The following CUX1 variants were observed in gnomAD, a reference collection of about 807,000 sequenced individuals.
The protein encoded by CUX1 is protein CASP.
Under a neutral mutation model 158.8 loss-of-function variants are expected in CUX1, and 31 were observed. That is an observed-to-expected ratio of 0.20 (90% CI 0.15 to 0.26). The LOEUF (loss-of-function observed/expected upper bound fraction) is 0.26. CUX1 is among the 10% of genes least tolerant of loss of function. The pLI is 1.00. For synonymous variants in CUX1, 879 were observed against 862.1 expected, an observed-to-expected ratio of 1.02 and a Z score of -0.34; for missense variants, 1,589 against 2,014.6, an observed-to-expected ratio of 0.79 and a Z score of 4.04.
chr7:102,274,338 A>G, intron 16 of CUX1: 4 of 1,585,840 alleles, frequency 2.5e-6, no homozygotes, highest in Non-Finnish European at 3.5e-6. Flanking sequence ...CCATGGGAGG[A>G]GGGAGGAGGA....
rs545679696 is a variant in CUX1 at position 101,850,421 on chromosome 7, CTT to C, written c.30+32771_30+32772del. Among the ~76,000 whole-genome samples the C allele has an allele frequency of 1.0e-3, 108 of 104,612 alleles. No homozygotes were observed. The East Asian group carries it at 0.017, about 16-fold the overall frequency. 68.6% of individuals were successfully genotyped at this position (104,612 alleles called of 152,430 possible). A position where few individuals can be genotyped will look rare whatever the true frequency, so the allele number is the denominator to read the frequency against. On this transcript the variant is annotated intron_variant, in intron 1 of 23. Coordinates refer to ENST00000292535, the MANE Select transcript of CUX1 (RefSeq NM_181552.4). The stretch of plus-strand genomic sequence containing the variant: ...TGGTTTTCTTTTTCTTTCTTTCTTT[CTT>C]TTTTTTTTTTTTTTTTTTGAGACAG...
chr7:102,260,937 T>C (rs1790360188), downstream of CUX1, among the ~76,000 whole-genome samples: 1 of 152,252 alleles, frequency 6.6e-6, no homozygotes, highest in Non-Finnish European at 1.5e-5. Flanking sequence ...TGGTGTCTAC[T>C]TCAGCTCATC....
At chr7:101,979,167 TC>T (rs1813097511) in intron 2 of CUX1, among the ~76,000 whole-genome samples, 2 of 152,044 alleles carry the variant, frequency 1.3e-5, no homozygotes, top group African/African-American at 2.4e-5. Flanking sequence ...CAGAAAACCT[TC>T]CAGGAGGTGA....
Position 102,190,085 on chromosome 7 carries a change from T to C in CUX1, c.1076+214T>C, listed in dbSNP as rs113931761. The stretch of plus-strand genomic sequence containing the variant: ...GGGCCTGTCCCTGAATTCTTTGGAC[T>C]TTTGCTAAAAGCTGTGCATTGCAGG... On this transcript the variant is annotated intron_variant, in intron 12 of 23. Transcript: ENST00000292535. 2.8e-3 allele frequency among the ~76,000 whole-genome samples: 428 copies of C among 152,388 alleles called. 5 individuals carry two copies. The highest frequency in any genetic ancestry group is 9.8e-3 in the African/African-American group (408 of 41,588).
chr7:102,248,770 G>GC lies in CUX1; in HGVS notation c.4251dup (p.Glu1418ArgfsTer133). Reference sequence around the variant, plus strand: ...CGCGACCGCCACCGCCGCGCCCGCGGCCCCCGAGGACGCCGCTACCTCAGC... The same window carrying GC: ...CGCGACCGCCACCGCCGCGCCCGCGGCCCCCCGAGGACGCCGCTACCTCAGC... On this transcript the variant is annotated frameshift_variant, in exon 24 of 24. Coordinates refer to ENST00000292535, the MANE Select transcript of CUX1 (RefSeq NM_181552.4). LOFTEE classifies it low-confidence loss of function (END_TRUNC). This position sits in a 1 kb window ranked among gnomAD's most constrained non-coding sequence, Gnocchi z 5.8. 2 of 1,040,640 alleles carry GC rather than the reference G, an allele frequency of 1.9e-6. No individual in the cohort carries two copies. The highest frequency in any genetic ancestry group is 2.3e-6 in the Non-Finnish European group (2 of 865,116). 64.5% of individuals were successfully genotyped at this position (1,040,640 alleles called of 1,614,324 possible).
At chr7:102,031,678 G>T (rs1820806793) in intron 3 of CUX1, among the ~76,000 whole-genome samples, 1 of 151,878 alleles carries the variant, frequency 6.6e-6, no homozygotes, top group South Asian at 2.1e-4. Flanking sequence ...TATACTTAAG[G>T]TATACAACAT....
intron 2 of CUX1, among the ~76,000 whole-genome samples, chr7:101,979,220 AG>A (rs1813103795): frequency 6.6e-6 from 1 of 152,312 alleles, no homozygotes; most frequent in African/African-American, 2.4e-5. Context: ...ATGCTGGGAA[AG>A]GATTGTGGGC....
At chr7:102,246,347 G>A (rs1262964966) in intron 23 of CUX1, among the ~76,000 whole-genome samples, 2 of 152,100 alleles carry the variant, frequency 1.3e-5, no homozygotes, top group African/African-American at 4.8e-5. Flanking sequence ...GGAACTTCTG[G>A]GGGGCTTCTC....
chr7:102,239,275 G>C (rs1563469655), intron 22 of CUX1, 45 bp from the exon 23 acceptor site: 1 of 1,563,768 alleles, frequency 6.4e-7, no homozygotes. Flanking sequence ...TTGGGCTGCT[G>C]TCCCAGCTGG....
chr7:102,029,206 T>TG (rs1820421778), intron 3 of CUX1, among the ~76,000 whole-genome samples: 1 of 152,118 alleles, frequency 6.6e-6, no homozygotes, highest in South Asian at 2.1e-4. Flanking sequence ...TTGGCCAGGC[T>TG]GGTCTCGATC....
At chr7:102,216,596 T>TCC (rs1563425131) in intron 20 of CUX1, among the ~76,000 whole-genome samples, 2 of 8,222 alleles carry the variant, frequency 2.4e-4, no homozygotes, top group Non-Finnish European at 5.2e-4. Context: ...ACACACACAC[T>TCC]CCCACACACA....
intron 1 of CUX1, among the ~76,000 whole-genome samples, chr7:101,857,090 G>A (rs996398751): frequency 2.0e-5 from 3 of 152,142 alleles, no homozygotes; most frequent in Non-Finnish European, 4.4e-5. Flanking sequence ...GTCCTGCCCC[G>A]TACCACCCGC....
Position 102,248,446 on chromosome 7 carries a change from A to G in CUX1, c.3922A>G (p.Ile1308Val). The G allele has an allele frequency of 6.3e-7, 1 of 1,599,288 alleles. No individual in the cohort carries two copies. Among genetic ancestry groups the G allele is most frequent in the South Asian group, 1.1e-5 (1 of 90,358 alleles). Residue 1308 changes from isoleucine (I) to valine (V), a missense_variant, in exon 24 of 24, where the codon ATT (isoleucine) becomes GTT (valine). Ile to Val is a conservative substitution (Grantham distance 29). This residue lies in a region of CUX1 where 344 missense variants were observed against 323.7 expected (regional missense o/e 1.06). Coordinates refer to ENST00000292535, the MANE Select transcript of CUX1 (RefSeq NM_181552.4). This position sits in a 1 kb window ranked among gnomAD's most constrained non-coding sequence, Gnocchi z 5.8. The part of the protein sequence containing the change: ...RIRRELFIEE[I>V]QAGSQGQAGA... ...CCGCAGAGAACTGTTCATTGAGGAA[A>G]TTCAGGCCGGGAGTCAGGGCCAGGC...
intron 11 of CUX1, among the ~76,000 whole-genome samples, chr7:102,185,544 T>TGAGTA (rs1793530486): frequency 6.6e-6 from 1 of 151,724 alleles, no homozygotes; most frequent in African/African-American, 2.4e-5. Flanking sequence ...CCCAGCCTCC[T>TGAGTA]GAGTAGCTGG....
At chr7:101,864,978 C>G (rs1797801218) in intron 1 of CUX1, among the ~76,000 whole-genome samples, 1 of 152,218 alleles carries the variant, frequency 6.6e-6, no homozygotes, top group African/African-American at 2.4e-5. Context: ...ATACTATCTC[C>G]CACATGGTAT....
At chr7:101,887,952 C>G (rs967766847) in intron 1 of CUX1, among the ~76,000 whole-genome samples, 2 of 150,760 alleles carry the variant, frequency 1.3e-5, no homozygotes, top group Admixed American at 1.3e-4. Flanking sequence ...TCCAGGAGAA[C>G]GCATTCAATG....
chr7:102,094,904 A>C (rs1488815523), intron 4 of CUX1, among the ~76,000 whole-genome samples: 1 of 152,126 alleles, frequency 6.6e-6, no homozygotes, highest in African/African-American at 2.4e-5. Context: ...AAGTTATGGA[A>C]ATTTTTTTTA....
At chr7:102,121,178 A>AT (rs1384494343) in intron 8 of CUX1, among the ~76,000 whole-genome samples, 1 of 151,958 alleles carries the variant, frequency 6.6e-6, no homozygotes, top group Non-Finnish European at 1.5e-5. Flanking sequence ...TTTATTTTTT[A>AT]TTTTTTTGAG....
intron 3 of CUX1, among the ~76,000 whole-genome samples, chr7:102,049,304 G>A (rs917821873): frequency 1.3e-5 from 2 of 152,210 alleles, no homozygotes; most frequent in Non-Finnish European, 2.9e-5. Flanking sequence ...CAGAAGCTTC[G>A]TTCCGTTCTG....
Sources: gnomAD v4.1 joint callset for allele counts (sites outside exome capture counted in the v4.1 genomes callset) on GRCh38, gnomAD v4.1.1 for gene constraint, gnomAD v4.1.1 regional missense constraint, Gnocchi (gnomAD v3.1) non-coding constraint, MANE v1.5 for transcripts, NCBI Gene and HGNC (gene_info 2026-07-23, HGNC 2026-07-21) for gene names.